ADGRL3: variants seen among roughly 807,000 people sequenced by gnomAD.
ADGRL3 encodes the protein adhesion G protein-coupled receptor L3, also known as calcium-independent alpha-latrotoxin receptor 3.
A neutral mutation model predicts 153.5 loss-of-function variants in ADGRL3; 62 were observed. The observed-to-expected ratio is 0.40, with a 90% CI of 0.33 to 0.50. The LOEUF is 0.50. Among genes scored for constraint, ADGRL3 ranks in the 20% least tolerant of loss-of-function variants. The probability of loss-of-function intolerance (pLI) is 0.47; values close to 1 mark genes in which losing one functional copy is unlikely to be tolerated. For synonymous variants in ADGRL3, 710 were observed against 672.5 expected, an observed-to-expected ratio of 1.06 and a Z score of -0.86; for missense variants, 1,641 against 1,859.4, an observed-to-expected ratio of 0.88 and a Z score of 2.16.
At chr4:62,058,553 T>G (rs1289453638) in intron 25 of ADGRL3, among the ~76,000 whole-genome samples, 1 of 152,176 alleles carries the variant, frequency 6.6e-6, no homozygotes, top group Non-Finnish European at 1.5e-5. Context: ...TTCTTTTTCA[T>G]GATGCCTCCC....
At chr4:61,621,588 T>A (rs1041529357) in intron 5 of ADGRL3, among the ~76,000 whole-genome samples, 11 of 152,276 alleles carry the variant, frequency 7.2e-5, no homozygotes, top group Middle Eastern at 3.4e-3. Context: ...ATTATCTTTT[T>A]AAAAAATACT....
Position 61,819,570 on chromosome 4 carries a change from G to A in ADGRL3, c.1480+5681G>A, listed in dbSNP as rs150048696. On this transcript the variant is annotated intron_variant, in intron 9 of 26. Transcript: ENST00000683033. ...GCTTTATGTATTAATTCCTTTTATAGTTTATGGACTTGACTATATTCCTAT... is the reference window on the plus strand; with the variant it reads ...GCTTTATGTATTAATTCCTTTTATAATTTATGGACTTGACTATATTCCTAT... Among the ~76,000 whole-genome samples the A allele has an allele frequency of 1.4e-4, 21 of 151,926 alleles. 1 individual carries two copies. The East Asian group carries it at 3.9e-3, about 28-fold the overall frequency.
chr4:61,915,468 G>C (rs1288180358), intron 13 of ADGRL3, among the ~76,000 whole-genome samples: 1 of 151,780 alleles, frequency 6.6e-6, no homozygotes, highest in Non-Finnish European at 1.5e-5. Context: ...CTTTTAATGG[G>C]GCCTTTGGGA....
chr4:61,419,796 AT>A (rs200189725), intron 2 of ADGRL3, among the ~76,000 whole-genome samples: 1,493 of 143,544 alleles, frequency 0.01, 26 homozygotes, highest in African/African-American at 0.03. Flanking sequence ...ACATATTTAG[AT>A]TTTTTTTTTT....
chr4:61,775,766 C>T (rs1165099777), intron 8 of ADGRL3: 4 of 827,332 alleles, frequency 4.8e-6, no homozygotes, highest in Non-Finnish European at 8.5e-6. Context: ...GCTAGGCAAT[C>T]GTGGATGAGG....
chr4:61,412,107 T>TTTG (rs199900364), intron 2 of ADGRL3, among the ~76,000 whole-genome samples: 14 of 151,834 alleles, frequency 9.2e-5, no homozygotes, highest in East Asian at 3.9e-4. Flanking sequence ...TGTTTGTTTG[T>TTTG]TTTTTGGAGA....
At chr4:61,748,245 G>A (rs921178083) in intron 8 of ADGRL3, among the ~76,000 whole-genome samples, 5 of 152,102 alleles carry the variant, frequency 3.3e-5, no homozygotes, top group African/African-American at 1.2e-4. Flanking sequence ...CATGCTCATG[G>A]GTAGGAAGAA....
At chr4:61,598,214 AAG>A (rs2098997178) in intron 5 of ADGRL3, among the ~76,000 whole-genome samples, 1 of 152,160 alleles carries the variant, frequency 6.6e-6, no homozygotes, top group African/African-American at 2.4e-5. Flanking sequence ...TTTTCATGGA[AAG>A]GCATAGAATT....
At chr4:62,016,576 T>C (rs558010096) in intron 21 of ADGRL3, among the ~76,000 whole-genome samples, 1 of 152,318 alleles carries the variant, frequency 6.6e-6, no homozygotes, top group South Asian at 2.1e-4. Context: ...TGTTTTTCTA[T>C]CATTACTACA....
chr4:62,074,220 A>G lies in ADGRL3; in HGVS notation c.*3312A>G, dbSNP rs1171342137. The G allele has an allele frequency of 6.6e-6, 1 of 152,146 alleles. No homozygotes were observed. Among genetic ancestry groups the G allele is most frequent in the Admixed American group, 6.6e-5 (1 of 15,260 alleles). 9.4% of individuals were successfully genotyped at this position (152,146 alleles called of 1,614,324 possible). Reference sequence around the variant, plus strand: ...TAAGAAGTAAATTTCCGTCAAACAGATGTAGTATACCGCTATAATACAGCT... The same window carrying G: ...TAAGAAGTAAATTTCCGTCAAACAGGTGTAGTATACCGCTATAATACAGCT... On this transcript the variant is annotated 3_prime_UTR_variant, in exon 27 of 27. Coordinates refer to ENST00000683033, the MANE Select transcript of ADGRL3 (RefSeq NM_001387552.1).
At chr4:61,569,044 G>T (rs1402656056) in intron 4 of ADGRL3, among the ~76,000 whole-genome samples, 8 of 152,096 alleles carry the variant, frequency 5.3e-5, no homozygotes, top group African/African-American at 1.9e-4. Context: ...TGTTTCGAGA[G>T]ACTTTTTTCA....
rs556636674 is a variant in ADGRL3 at position 61,647,278 on chromosome 4, C to G, written c.474-29548C>G. Among the ~76,000 whole-genome samples, 5 of 152,244 alleles carry G rather than the reference C, an allele frequency of 3.3e-5. No homozygotes were observed. In the East Asian group the frequency reaches 9.7e-4, roughly 29 times the overall value. The stretch of plus-strand genomic sequence containing the variant: ...TGGGAGCTGTAGACCAGAGCTTTTC[C>G]TATTCGGCCATCTTGGCTCCTCCCC... On this transcript the variant is annotated intron_variant, in intron 5 of 26. Transcript: ENST00000683033.
intron 2 of ADGRL3, chr4:61,427,337 G>T (rs1241230828): frequency 6.5e-6 from 1 of 152,806 alleles, no homozygotes; most frequent in Non-Finnish European, 1.5e-5. Context: ...CAGTCAGGGT[G>T]TGGTCGCCTC....
At chr4:61,657,836 G>A (rs2094483265) in intron 5 of ADGRL3, among the ~76,000 whole-genome samples, 2 of 152,280 alleles carry the variant, frequency 1.3e-5, no homozygotes, top group South Asian at 2.1e-4. Flanking sequence ...TGACATCAGA[G>A]GTTGAGATTT....
At chr4:61,308,685 A>C (rs72614722) in intron 1 of ADGRL3, among the ~76,000 whole-genome samples, 19,633 of 152,226 alleles carry the variant, frequency 0.13, 1,445 homozygotes, top group South Asian at 0.27. Context: ...GCTGTTGAAA[A>C]TGAGAGATTA....
At chr4:61,742,472 G>A (rs7698860) in intron 8 of ADGRL3, among the ~76,000 whole-genome samples, 67,066 of 151,194 alleles carry the variant, frequency 0.44, 15,175 homozygotes, top group East Asian at 0.63. Flanking sequence ...AGTAGAGACG[G>A]GGCTTCACCA....
At chr4:61,761,291 C>A (rs1387719954) in intron 8 of ADGRL3, among the ~76,000 whole-genome samples, 4 of 152,190 alleles carry the variant, frequency 2.6e-5, no homozygotes, top group Non-Finnish European at 5.9e-5. Flanking sequence ...TGGGAAAGGG[C>A]TGTTATCATC....
At chr4:61,600,949 C>A (rs80087901) in intron 5 of ADGRL3, among the ~76,000 whole-genome samples, 2,517 of 152,242 alleles carry the variant, frequency 0.017, 21 homozygotes, top group Non-Finnish European at 0.025. Flanking sequence ...ATCCTTACAA[C>A]ATATGCAGTT....
chr4:61,350,642 C>G (rs866119570), intron 1 of ADGRL3, among the ~76,000 whole-genome samples: 102 of 152,120 alleles, frequency 6.7e-4, no homozygotes, highest in African/African-American at 2.4e-3. Context: ...TTGGTAATTA[C>G]TACAATATTT....
Sources: allele counts gnomAD v4.1 joint callset (sites outside exome capture counted in the v4.1 genomes callset), GRCh38; gene constraint gnomAD v4.1.1; transcripts MANE v1.5; gene names NCBI Gene and HGNC (gene_info 2026-07-23, HGNC 2026-07-21).